Variants in GLIS3 observed in about 807,000 individuals in gnomAD.
The protein encoded by GLIS3 is zinc finger protein GLIS3.
A neutral mutation model predicts 78.6 loss-of-function variants in GLIS3; 53 were observed. The ratio of observed to expected loss-of-function variants is 0.67; its 90% confidence interval spans 0.54 to 0.85. The LOEUF (loss-of-function observed/expected upper bound fraction) is 0.85. Among genes scored for constraint, GLIS3 ranks in the 40% least tolerant of loss-of-function variants. GLIS3 has a pLI of 0.00. For missense variants in GLIS3, 1,703 were observed against 1,231.1 expected (o/e 1.38, Z -5.74); for synonymous variants, 684 against 509.9 (o/e 1.34, Z -4.60).
intron 9 of GLIS3, among the ~76,000 whole-genome samples, chr9:3,846,380 G>C (rs1819041959): frequency 6.6e-6 from 1 of 152,122 alleles, no homozygotes; most frequent in Non-Finnish European, 1.5e-5. Flanking sequence ...CTCTTCCATT[G>C]TCTCACCTGG....
chr9:3,869,100 G>T (rs1469200491), intron 8 of GLIS3, among the ~76,000 whole-genome samples: 1 of 152,190 alleles, frequency 6.6e-6, no homozygotes, highest in Non-Finnish European at 1.5e-5. Flanking sequence ...TCAGTGTCCA[G>T]CATACTGCCT....
At chr9:4,365,163 G>A in the GLIS3 span, among the ~76,000 whole-genome samples, 1 of 152,164 alleles carries the variant, frequency 6.6e-6, no homozygotes, top group Non-Finnish European at 1.5e-5. Flanking sequence ...ATACTGCGAA[G>A]TGTTATGTGT....
chr9:4,249,765 T>C (rs1037103555), intron 2 of GLIS3, among the ~76,000 whole-genome samples: 2 of 152,250 alleles, frequency 1.3e-5, no homozygotes, highest in African/African-American at 4.8e-5. Context: ...TTGTCATAAA[T>C]AGCTCTTATT....
chr9:4,229,942 A>G (rs1344532971), intron 2 of GLIS3, among the ~76,000 whole-genome samples: 2 of 152,244 alleles, frequency 1.3e-5, no homozygotes, highest in African/African-American at 2.4e-5. Context: ...TATTCTGAAC[A>G]TTGCCCAATC....
the GLIS3 span, among the ~76,000 whole-genome samples, chr9:4,430,971 C>G: frequency 6.6e-6 from 1 of 151,534 alleles, no homozygotes; most frequent in Non-Finnish European, 1.5e-5. Context: ...AGTTTCAGTT[C>G]CTCTAACTCT....
intron 4 of GLIS3, chr9:4,034,719 T>G (rs1211337116): frequency 6.6e-6 from 1 of 152,242 alleles, no homozygotes; most frequent in African/African-American, 2.4e-5. Context: ...TCTGCCTTTC[T>G]GCCCTCAGGA....
At chr9:4,363,927 C>A in the GLIS3 span, among the ~76,000 whole-genome samples, 2 of 152,144 alleles carry the variant, frequency 1.3e-5, no homozygotes, top group African/African-American at 2.4e-5. Context: ...TATGAGGAAG[C>A]AGGGTGGGAC....
intron 9 of GLIS3, among the ~76,000 whole-genome samples, chr9:3,841,691 CAAGA>C (rs1818723280): frequency 6.6e-6 from 1 of 152,144 alleles, no homozygotes; most frequent in Non-Finnish European, 1.5e-5. Flanking sequence ...CCAAGGTTGA[CAAGA>C]AAGAGTTGGG....
chr9:4,049,480 G>A (rs1030876913), intron 4 of GLIS3, among the ~76,000 whole-genome samples: 9 of 152,160 alleles, frequency 5.9e-5, no homozygotes, highest in African/African-American at 1.9e-4. Context: ...TGCAACTACT[G>A]CCAATGCCCA....
intron 1 of GLIS3, among the ~76,000 whole-genome samples, chr9:4,289,929 G>A (rs1288101689): frequency 6.6e-6 from 1 of 152,212 alleles, no homozygotes; most frequent in South Asian, 2.1e-4. Flanking sequence ...AAACCATTTA[G>A]TAATTCCACT....
intron 9 of GLIS3, among the ~76,000 whole-genome samples, chr9:3,830,598 G>C (rs1331201568): frequency 6.6e-6 from 1 of 152,100 alleles, no homozygotes; most frequent in Non-Finnish European, 1.5e-5. Context: ...CACTATTCTG[G>C]TTTTGATGGA....
intron 9 of GLIS3, among the ~76,000 whole-genome samples, chr9:3,851,435 G>A (rs562089062): frequency 6.6e-6 from 1 of 152,310 alleles, no homozygotes; most frequent in East Asian, 1.9e-4. Flanking sequence ...AAACATTAAA[G>A]GAAATTATAC....
At chr9:4,205,274 C>T (rs1199518493) in intron 2 of GLIS3, among the ~76,000 whole-genome samples, 1 of 151,970 alleles carries the variant, frequency 6.6e-6, no homozygotes, top group Non-Finnish European at 1.5e-5. Flanking sequence ...TTATGTACAG[C>T]ACCCCAATTC....
intron 6 of GLIS3, among the ~76,000 whole-genome samples, chr9:3,921,923 T>TACACACACACACAC (rs6150898): frequency 0.032 from 4,837 of 149,818 alleles, 127 homozygotes; most frequent in Admixed American, 0.043. Flanking sequence ...TCATACTGTG[T>TACACACACACACAC]ACACACACAC....
chr9:3,896,347 A>G (rs1378216262), intron 7 of GLIS3, among the ~76,000 whole-genome samples: 2 of 152,148 alleles, frequency 1.3e-5, no homozygotes, highest in Non-Finnish European at 2.9e-5. Flanking sequence ...AAGCAAAATC[A>G]TACCTGAGGG....
the GLIS3 span, among the ~76,000 whole-genome samples, chr9:4,484,247 TA>T: frequency 7.8e-3 from 1,136 of 145,928 alleles, 45 homozygotes; most frequent in African/African-American, 0.022. Context: ...TTATTTTTTT[TA>T]TTTTTTTGAG....
At chr9:4,472,355 T>C in the GLIS3 span, among the ~76,000 whole-genome samples, 1 of 152,064 alleles carries the variant, frequency 6.6e-6, no homozygotes, top group Non-Finnish European at 1.5e-5. Context: ...TTGGAACCAA[T>C]CCAAATGTCC....
chr9:3,906,570 C>T (rs563966825), intron 6 of GLIS3, among the ~76,000 whole-genome samples: 1 of 152,258 alleles, frequency 6.6e-6, no homozygotes, highest in East Asian at 1.9e-4. Flanking sequence ...GACTCCTGGA[C>T]ATCCAGGCGG....
chr9:3,972,104 C>T (rs1261913395), intron 4 of GLIS3, among the ~76,000 whole-genome samples: 1 of 152,050 alleles, frequency 6.6e-6, no homozygotes, highest in African/African-American at 2.4e-5. Context: ...GATCAGAATG[C>T]CATATAAAGG....
Sources: gnomAD v4.1 joint callset for allele counts (sites outside exome capture counted in the v4.1 genomes callset) on GRCh38, gnomAD v4.1.1 for gene constraint, MANE v1.5 for transcripts, NCBI Gene and HGNC (gene_info 2026-07-23, HGNC 2026-07-21) for gene names.